The following PPP2R1B variants were observed in gnomAD, a reference collection of about 807,000 sequenced individuals.
The protein encoded by PPP2R1B is serine/threonine-protein phosphatase 2A 65 kDa regulatory subunit A beta isoform.
A neutral mutation model predicts 72.7 loss-of-function variants in PPP2R1B; 58 were observed. The ratio of observed to expected loss-of-function variants is 0.80; its 90% confidence interval spans 0.65 to 0.99. The LOEUF is 0.99. PPP2R1B is among the 50% of genes least tolerant of loss of function. The pLI is 0.00. For missense variants in PPP2R1B, 695 were observed against 733.6 expected (o/e 0.95, Z 0.61); for synonymous variants, 256 against 264.6 (o/e 0.97, Z 0.32).
At position 111,741,599 on chromosome 11, in the gene PPP2R1B, T is replaced by C. The variant is rs1248138219; in HGVS notation, c.1803A>G (p.Ala601=). The change falls in exon 15 of 15, where the codon GCA becomes GCG. Residue 601 remains alanine, a synonymous_variant. Coordinates refer to ENST00000527614, the MANE Select transcript of PPP2R1B (RefSeq NM_002716.5). The part of the protein sequence containing the change: ...AQEAISVLAL[A] ...GCCTTTTCCCTCCTGCTCCTCATTA[T>C]GCCAATGCAAGAACTGGAAAATTCC... The C allele has an allele frequency of 1.2e-6, 2 of 1,613,452 alleles. No homozygotes were observed. The highest frequency in any genetic ancestry group is 2.2e-5 in the East Asian group (1 of 44,862).
Position 111,740,271 on chromosome 11 carries a change from G to A in PPP2R1B, c.*1325C>T, listed in dbSNP as rs1944474581. 3.1e-6 allele frequency: 3 copies of A among 956,434 alleles called. No individual in the cohort carries two copies. Among genetic ancestry groups the A allele is most frequent in the Non-Finnish European group, 3.7e-6 (3 of 803,748 alleles). The allele number at this position is 956,434 out of a possible 1,614,324, so 59.2% of individuals were successfully genotyped here. ...CTCGCTCTATGGCCCAGGCTAGAGT[G>A]CAGTGGCGCGATCTCGGCTCAGTGC... On this transcript the variant is annotated 3_prime_UTR_variant, in exon 15 of 15. Transcript: ENST00000527614.
At chr11:111,750,307 G>C (rs935331672) in intron 10 of PPP2R1B, among the ~76,000 whole-genome samples, 1 of 152,188 alleles carries the variant, frequency 6.6e-6, no homozygotes, top group African/African-American at 2.4e-5. Context: ...ACAAACTGTA[G>C]CGATGTCAAT....
the PPP2R1B span, among the ~76,000 whole-genome samples, chr11:111,695,073 A>T: frequency 6.6e-6 from 1 of 152,202 alleles, no homozygotes; most frequent in African/African-American, 2.4e-5. Flanking sequence ...ATCCACATTC[A>T]GTTTGTGCAA....
At chr11:111,736,822 CGCAGTCTG>C (rs1158825579), downstream of PPP2R1B, among the ~76,000 whole-genome samples, 1 of 152,190 alleles carries the variant, frequency 6.6e-6, no homozygotes, top group Non-Finnish European at 1.5e-5. Flanking sequence ...ATGAACTAAA[CGCAGTCTG>C]GCATCCGCAC....
chr11:111,712,317 C>T, the PPP2R1B span: 1 of 1,614,206 alleles, frequency 6.2e-7, no homozygotes. Context: ...TCATTTCCAG[C>T]ATCTGGCTGT....
the PPP2R1B span, among the ~76,000 whole-genome samples, chr11:111,712,842 G>A: frequency 4.6e-5 from 7 of 152,162 alleles, no homozygotes; most frequent in Admixed American, 3.9e-4. Flanking sequence ...TTATACATGT[G>A]TTTTTGTCCA....
the PPP2R1B span, among the ~76,000 whole-genome samples, chr11:111,717,127 A>C: frequency 1.3e-5 from 2 of 151,934 alleles, no homozygotes. Context: ...ATCCTGGCTA[A>C]CATGGTGAAA....
downstream of PPP2R1B, chr11:111,726,781 T>C: frequency 3.3e-6 from 2 of 603,052 alleles, no homozygotes; most frequent in South Asian, 4.3e-5. Flanking sequence ...ACTGACTTGC[T>C]TTCCAGTCTG....
chr11:111,749,564 C>G (rs549667434), intron 10 of PPP2R1B, among the ~76,000 whole-genome samples: 1 of 152,110 alleles, frequency 6.6e-6, no homozygotes, highest in African/African-American at 2.4e-5. Context: ...GGATTACAAG[C>G]GTGAGCCACT....
chr11:111,761,598 A>G (rs895994728), intron 3 of PPP2R1B, among the ~76,000 whole-genome samples: 1 of 152,218 alleles, frequency 6.6e-6, no homozygotes, highest in African/African-American at 2.4e-5. Flanking sequence ...CTTTTTTCAG[A>G]ACACATTCAG....
downstream of PPP2R1B, chr11:111,722,605 AT>A: frequency 6.7e-7 from 1 of 1,500,636 alleles, no homozygotes; most frequent in Non-Finnish European, 9.2e-7. This position sits in a 1 kb window ranked among gnomAD's most constrained non-coding sequence, Gnocchi z 4.4. Context: ...AGCACATCTG[AT>A]GACTGCATCC....
chr11:111,705,187 C>A, the PPP2R1B span: 7 of 1,471,994 alleles, frequency 4.8e-6, no homozygotes, highest in Non-Finnish European at 6.3e-6. This position sits in a 1 kb window ranked among gnomAD's most constrained non-coding sequence, Gnocchi z 4.3. Flanking sequence ...TGCCTGTTCA[C>A]ATGTTTGATA....
chr11:111,703,562 A>C, the PPP2R1B span: 1 of 689,272 alleles, frequency 1.5e-6, no homozygotes, highest in South Asian at 1.9e-5. Context: ...AGATGACATC[A>C]GACTCTATTT....
At chr11:111,746,440 C>G (rs755050497) in intron 11 of PPP2R1B, among the ~76,000 whole-genome samples, 2 of 152,002 alleles carry the variant, frequency 1.3e-5, no homozygotes, top group Non-Finnish European at 2.9e-5. Context: ...CACATGAATA[C>G]AGGGAAGGGA....
the PPP2R1B span, among the ~76,000 whole-genome samples, chr11:111,719,226 C>A: frequency 3.9e-5 from 6 of 152,068 alleles, no homozygotes; most frequent in African/African-American, 7.2e-5. Flanking sequence ...ACTTTCCATT[C>A]CCCAGGCATA....
At chr11:111,731,592 A>G (rs900034501) in intron 15 of PPP2R1B, among the ~76,000 whole-genome samples, 5 of 152,198 alleles carry the variant, frequency 3.3e-5, no homozygotes, top group African/African-American at 1.2e-4. Flanking sequence ...AAACCATTCC[A>G]ATTAAGCCCA....
At chr11:111,741,703 G>A (rs545729909) in intron 14 of PPP2R1B, 91 bp from the exon 15 acceptor site, 94 of 1,378,620 alleles carry the variant, frequency 6.8e-5, no homozygotes, top group Middle Eastern at 1.8e-4. Flanking sequence ...TGATCCAAAC[G>A]TATCAAACTA....
At chr11:111,727,129 G>A (rs549401463) in intron 15 of PPP2R1B, 150 of 1,341,946 alleles carry the variant, frequency 1.1e-4, no homozygotes, top group South Asian at 6.6e-4. Flanking sequence ...GACACTGACC[G>A]TCCCCAGCTG....
rs1283934812 is a variant in PPP2R1B at position 111,755,330 on chromosome 11, G to A, written c.808C>T (p.Arg270Cys). 7.4e-6 allele frequency: 12 copies of A among 1,612,222 alleles called. 1 individual carries two copies. In the East Asian group the frequency reaches 1.3e-4, roughly 18 times the overall value. ...CTGTCAGCCACCATATAGCGAACGCGCCAAGATTTATCTTCTGCTGCTTGT... is the reference window on the plus strand; with the variant it reads ...CTGTCAGCCACCATATAGCGAACGCACCAAGATTTATCTTCTGCTGCTTGT... ...LRQAAEDKSW[R>C]VRYMVADRFS... The change falls in exon 6 of 15, where the codon CGC becomes TGC. Residue 270 changes from arginine to cysteine, a missense_variant. Arg to Cys is a radical substitution (Grantham distance 180, BLOSUM62 -3). Transcript: ENST00000527614.
Sources: gnomAD v4.1 joint callset for allele counts (sites outside exome capture counted in the v4.1 genomes callset) on GRCh38, gnomAD v4.1.1 for gene constraint, Gnocchi (gnomAD v3.1) non-coding constraint, MANE v1.5 for transcripts, NCBI Gene and HGNC (gene_info 2026-07-23, HGNC 2026-07-21) for gene names.